The following GNG12 variants were observed in gnomAD, a reference collection of about 807,000 sequenced individuals.
The protein encoded by GNG12 is guanine nucleotide-binding protein G(I)/G(S)/G(O) subunit gamma-12.
For missense variants in GNG12, 69 were observed against 83.8 expected (o/e 0.82, Z 0.69); for synonymous variants, 28 against 29.7 (o/e 0.94, Z 0.19).
At position 67,715,035 on chromosome 1, in the gene GNG12, T is replaced by C. The variant is rs538077759; in HGVS notation, c.-26-7323A>G. ...CCTATTTCAAGCGGTTCTCCTGCCT[T>C]AGCCTCCCGAGTAGCTGGGATTACA... On this transcript the variant is annotated intron_variant, in intron 2 of 3. Coordinates refer to ENST00000370982, the MANE Select transcript of GNG12 (RefSeq NM_018841.6). Among the ~76,000 whole-genome samples, 67 of 152,234 alleles carry C rather than the reference T, an allele frequency of 4.4e-4. 1 individual carries two copies. In the East Asian group the frequency reaches 0.012, roughly 28 times the overall value.
chr1:67,805,364 T>C (rs534656308), intron 1 of GNG12, among the ~76,000 whole-genome samples: 97 of 152,264 alleles, frequency 6.4e-4, no homozygotes, highest in African/African-American at 2.3e-3. Flanking sequence ...GAATCAGAAA[T>C]TGCAGGAATG....
chr1:67,780,571 A>AC (rs1483387076), intron 1 of GNG12, among the ~76,000 whole-genome samples: 2 of 152,216 alleles, frequency 1.3e-5, no homozygotes, highest in Non-Finnish European at 2.9e-5. Context: ...ACACAGGAAA[A>AC]CACTGGAATA....
Position 67,823,690 on chromosome 1 carries a change from C to T in GNG12, c.-77+9654G>A, listed in dbSNP as rs373827782. ...GACACTTTTATGGCCATTGGCTGTA[C>T]GGAACCGGGACATCCAATACATTCC... On this transcript the variant is annotated intron_variant, in intron 1 of 3. Coordinates refer to ENST00000370982, the MANE Select transcript of GNG12 (RefSeq NM_018841.6). 5.3e-4 allele frequency among the ~76,000 whole-genome samples: 81 copies of T among 152,328 alleles called. 1 individual carries two copies. Among genetic ancestry groups the T allele is most frequent in the African/African-American group, 1.7e-3 (70 of 41,574 alleles).
chr1:67,785,520 C>CA (rs1338462272), intron 1 of GNG12, among the ~76,000 whole-genome samples: 1 of 152,022 alleles, frequency 6.6e-6, no homozygotes, highest in Non-Finnish European at 1.5e-5. Context: ...GGTAAGGTAC[C>CA]AGTGGTCCAT....
chr1:67,783,924 T>C, intron 1 of GNG12, among the ~76,000 whole-genome samples: 2 of 149,736 alleles, frequency 1.3e-5, no homozygotes, highest in Non-Finnish European at 3.0e-5. Flanking sequence ...CTCAGGGATC[T>C]AGAACTAGAA....
chr1:67,709,936 TTATATA>T (rs1304884686), intron 2 of GNG12, among the ~76,000 whole-genome samples: 2 of 16,998 alleles, frequency 1.2e-4, no homozygotes, highest in African/African-American at 4.0e-4. Context: ...ATATATATAG[TTATATA>T]TATATAGTTA....
intron 2 of GNG12, among the ~76,000 whole-genome samples, chr1:67,726,261 T>G (rs1195624060): frequency 6.6e-6 from 1 of 152,262 alleles, no homozygotes; most frequent in Non-Finnish European, 1.5e-5. Flanking sequence ...CATGAGAGTC[T>G]TTAAGTTGAA....
At chr1:67,819,431 T>G (rs1002547171) in intron 1 of GNG12, among the ~76,000 whole-genome samples, 2 of 152,204 alleles carry the variant, frequency 1.3e-5, no homozygotes, top group Non-Finnish European at 2.9e-5. Flanking sequence ...TAGTCACTAT[T>G]TTTACCCTAG....
At chr1:67,781,698 A>G (rs1475239526) in intron 1 of GNG12, among the ~76,000 whole-genome samples, 1 of 152,156 alleles carries the variant, frequency 6.6e-6, no homozygotes, top group Non-Finnish European at 1.5e-5. Flanking sequence ...GAGATATGGT[A>G]CCTCAGATGG....
chr1:67,821,822 A>T (rs1476570929), intron 1 of GNG12, among the ~76,000 whole-genome samples: 1 of 151,666 alleles, frequency 6.6e-6, no homozygotes, highest in African/African-American at 2.4e-5. Context: ...GAATAATGGC[A>T]CATAGAATAC....
chr1:67,780,278 G>T (rs1646730247), intron 1 of GNG12, among the ~76,000 whole-genome samples: 3 of 152,116 alleles, frequency 2.0e-5, no homozygotes, highest in African/African-American at 2.4e-5. Flanking sequence ...GTAGTCTAAG[G>T]TTACATGGCT....
At chr1:67,723,607 G>A (rs900020370) in intron 2 of GNG12, among the ~76,000 whole-genome samples, 1 of 152,012 alleles carries the variant, frequency 6.6e-6, no homozygotes, top group Admixed American at 6.6e-5. Context: ...TTGTTCTAAG[G>A]GCTTTACAGA....
At chr1:67,767,825 T>A (rs928017424) in intron 2 of GNG12, among the ~76,000 whole-genome samples, 1 of 152,278 alleles carries the variant, frequency 6.6e-6, no homozygotes, top group Non-Finnish European at 1.5e-5. Context: ...TTGGAATTTA[T>A]AAGCAAACCA....
chr1:67,801,153 G>A (rs1465637464), intron 1 of GNG12, among the ~76,000 whole-genome samples: 1 of 152,148 alleles, frequency 6.6e-6, no homozygotes, highest in African/African-American at 2.4e-5. Flanking sequence ...ACAGCCAGGT[G>A]TACTATGTGC....
intron 2 of GNG12, among the ~76,000 whole-genome samples, chr1:67,757,181 C>A (rs1054480763): frequency 2.0e-5 from 3 of 152,062 alleles, no homozygotes; most frequent in Non-Finnish European, 4.4e-5. Context: ...ATACACAGAG[C>A]CTGAAGGTAA....
intron 2 of GNG12, among the ~76,000 whole-genome samples, chr1:67,738,266 AT>A (rs950426603): frequency 1.1e-4 from 17 of 152,120 alleles, no homozygotes; most frequent in Middle Eastern, 3.4e-3. Context: ...CCAGATTTCA[AT>A]TTTTTTTGTT....
At chr1:67,805,556 C>T (rs1646890223) in intron 1 of GNG12, among the ~76,000 whole-genome samples, 1 of 151,866 alleles carries the variant, frequency 6.6e-6, no homozygotes, top group Non-Finnish European at 1.5e-5. Flanking sequence ...CTGAACAGGG[C>T]TGAGGAAAGA....
intron 2 of GNG12, among the ~76,000 whole-genome samples, chr1:67,733,684 A>T (rs1041648760): frequency 6.6e-6 from 1 of 152,214 alleles, no homozygotes; most frequent in Non-Finnish European, 1.5e-5. Context: ...AAATTTCTGC[A>T]ATTTCTTTCC....
chr1:67,822,790 C>A (rs531975566), intron 1 of GNG12, among the ~76,000 whole-genome samples: 13 of 151,950 alleles, frequency 8.6e-5, no homozygotes, highest in Non-Finnish European at 1.8e-4. Context: ...ATTCATAAGA[C>A]TGCCTCTTGT....
Sources: gnomAD v4.1 joint callset for allele counts (sites outside exome capture counted in the v4.1 genomes callset) on GRCh38, gnomAD v4.1.1 for gene constraint, MANE v1.5 for transcripts, NCBI Gene and HGNC (gene_info 2026-07-23, HGNC 2026-07-21) for gene names.